Variants in TMEM181 observed in about 807,000 individuals in gnomAD.
The protein encoded by TMEM181 is transmembrane protein 181.
In TMEM181, 39 loss-of-function variants were observed where a neutral mutation model predicts 71.9. That is an observed-to-expected ratio of 0.54 (90% CI 0.42 to 0.71). The LOEUF (loss-of-function observed/expected upper bound fraction) is 0.71. Among genes scored for constraint, TMEM181 ranks in the 30% least tolerant of loss-of-function variants. TMEM181 has a pLI of 0.00. For synonymous variants in TMEM181, 245 were observed against 228.8 expected (o/e 1.07, Z -0.64); for missense variants, 595 against 583.0 (o/e 1.02, Z -0.21).
intron 1 of TMEM181, among the ~76,000 whole-genome samples, chr6:158,564,317 T>C (rs1782361060): frequency 6.6e-6 from 1 of 152,204 alleles, no homozygotes; most frequent in African/African-American, 2.4e-5. Context: ...CAGTCCCACC[T>C]CCACACCCTG....
intron 1 of TMEM181, among the ~76,000 whole-genome samples, chr6:158,547,255 C>T (rs1283623566): frequency 1.3e-5 from 2 of 152,202 alleles, no homozygotes; most frequent in East Asian, 3.8e-4. Flanking sequence ...GCACTTCAGC[C>T]TGGGCAACAG....
chr6:158,543,657 G>A (rs1676754160), intron 1 of TMEM181, among the ~76,000 whole-genome samples: 1 of 152,150 alleles, frequency 6.6e-6, no homozygotes, highest in Non-Finnish European at 1.5e-5. Flanking sequence ...TTCCTTCTAT[G>A]TGTGTTTGTG....
intron 6 of TMEM181, among the ~76,000 whole-genome samples, chr6:158,592,211 G>A (rs1409456380): frequency 6.6e-6 from 1 of 152,202 alleles, no homozygotes; most frequent in Non-Finnish European, 1.5e-5. Context: ...ATATGTATTG[G>A]TTGAATGAAA....
intron 13 of TMEM181, among the ~76,000 whole-genome samples, chr6:158,627,042 C>T (rs1256704014): frequency 6.6e-6 from 1 of 150,566 alleles, no homozygotes; most frequent in Non-Finnish European, 1.5e-5. Flanking sequence ...TCCTTACACA[C>T]ACCCTCATTC....
At chr6:158,566,463 GT>G (rs1782501869) in intron 1 of TMEM181, among the ~76,000 whole-genome samples, 1 of 139,306 alleles carries the variant, frequency 7.2e-6, no homozygotes, top group African/African-American at 2.7e-5. Flanking sequence ...GGAGGTGATG[GT>G]GAGGGAGGTG....
At chr6:158,559,854 T>C (rs191497489), upstream of TMEM181, among the ~76,000 whole-genome samples, 293 of 152,372 alleles carry the variant, frequency 1.9e-3, no homozygotes, top group African/African-American at 6.8e-3. Context: ...ATGCGCTGTT[T>C]ACCTGCCCTA....
At chr6:158,558,677 A>G (rs1011824259), upstream of TMEM181, among the ~76,000 whole-genome samples, 1 of 152,168 alleles carries the variant, frequency 6.6e-6, no homozygotes, top group Non-Finnish European at 1.5e-5. Context: ...CTTCTCTTTT[A>G]TGTTAACTAT....
At chr6:158,542,975 A>C (rs1315032461) in intron 1 of TMEM181, among the ~76,000 whole-genome samples, 4 of 146,812 alleles carry the variant, frequency 2.7e-5, no homozygotes, top group African/African-American at 1.0e-4. Flanking sequence ...TCCCAGGTTC[A>C]AATGATTCTC....
chr6:158,594,042 CCCT>C (rs1407109748), intron 6 of TMEM181, among the ~76,000 whole-genome samples: 10 of 151,726 alleles, frequency 6.6e-5, no homozygotes, highest in Admixed American at 6.6e-4. Context: ...GTTCATCCCT[CCCT>C]CCTCCTCACA....
At chr6:158,570,398 A>G (rs62437802) in intron 1 of TMEM181, among the ~76,000 whole-genome samples, 1 of 150,740 alleles carries the variant, frequency 6.6e-6, no homozygotes, top group Non-Finnish European at 1.5e-5. Flanking sequence ...AAGCCTGGCT[A>G]ATTTTTTTTT....
chr6:158,613,287 G>A (rs1288153566), intron 10 of TMEM181, among the ~76,000 whole-genome samples: 2 of 152,156 alleles, frequency 1.3e-5, no homozygotes, highest in African/African-American at 4.8e-5. Context: ...TTTATTAAAA[G>A]ACAAATCATA....
intron 10 of TMEM181, chr6:158,610,563 A>G (rs1785237867): frequency 2.3e-6 from 1 of 434,750 alleles, no homozygotes; most frequent in East Asian, 4.7e-5. Context: ...TGTCCTCCAC[A>G]AGGACACAGA....
In TMEM181 at chr6:158,634,349, C is replaced by CTT. The variant is rs764106470; in HGVS notation, c.*2464_*2465dup. The CTT allele has an allele frequency of 2.6e-5, 4 of 152,148 alleles. No homozygotes were observed. Among genetic ancestry groups the CTT allele is most frequent in the Admixed American group, 6.5e-5 (1 of 15,276 alleles). 9.4% of individuals were successfully genotyped at this position (152,148 alleles called of 1,614,324 possible). On this transcript the variant is annotated 3_prime_UTR_variant, in exon 17 of 17. Transcript: ENST00000684151. ...TTAAAACACTAAAGTCTGCCAGAAA[C>CTT]TTTTGACAGTAGCAAGAAAATTGTT...
upstream of TMEM181, chr6:158,559,979 A>G: frequency 2.2e-6 from 2 of 891,246 alleles, no homozygotes; most frequent in Non-Finnish European, 2.7e-6. Flanking sequence ...CGGGGCCACG[A>G]AGGAGGGCCA....
chr6:158,540,774 C>CT (rs577580699), intron 1 of TMEM181, among the ~76,000 whole-genome samples: 8 of 151,894 alleles, frequency 5.3e-5, no homozygotes, highest in African/African-American at 1.7e-4. Flanking sequence ...GGAGCTGTTT[C>CT]TTTTTTTTGA....
chr6:158,557,833 A>G (rs894215027), upstream of TMEM181, among the ~76,000 whole-genome samples: 2 of 152,200 alleles, frequency 1.3e-5, no homozygotes, highest in Non-Finnish European at 2.9e-5. Flanking sequence ...TTAAGTAATT[A>G]TTTAGGTTAT....
At chr6:158,548,841 C>A (rs1781628041) in intron 1 of TMEM181, among the ~76,000 whole-genome samples, 1 of 152,162 alleles carries the variant, frequency 6.6e-6, no homozygotes, top group South Asian at 2.1e-4. Flanking sequence ...AAATAAAATA[C>A]GTGTTTCGGT....
intron 11 of TMEM181, 92 bp from the exon 12 acceptor site, chr6:158,625,012 A>C: frequency 2.0e-6 from 2 of 1,010,362 alleles, no homozygotes; most frequent in South Asian, 2.6e-5. Flanking sequence ...GTCCCTTCTA[A>C]AAACCTGTGG....
chr6:158,583,953 G>T lies in TMEM181; in HGVS notation c.169-1G>T. 3 of 1,595,546 alleles carry T rather than the reference G, an allele frequency of 1.9e-6. No individual in the cohort carries two copies. The highest frequency in any genetic ancestry group is 1.7e-4 in the Middle Eastern group (1 of 5,980). On this transcript the variant is annotated splice_acceptor_variant, in intron 3 of 16. Coordinates refer to ENST00000684151, the MANE Select transcript of TMEM181 (RefSeq NM_001376852.1). LOFTEE classifies it high-confidence loss of function. ...GGATTACTTTGTTTTTTTTTCTTCA[G>T]CTAAAGCCAATTCAAATACTTTCAA... is the stretch of plus-strand genomic sequence containing the variant.
Sources: gnomAD v4.1 joint callset for allele counts (sites outside exome capture counted in the v4.1 genomes callset) on GRCh38, gnomAD v4.1.1 for gene constraint, MANE v1.5 for transcripts, NCBI Gene and HGNC (gene_info 2026-07-23, HGNC 2026-07-21) for gene names.